CDH18: variants seen among roughly 807,000 people sequenced by gnomAD.
CDH18 encodes the protein cadherin 18, also known as cadherin-18.
In CDH18, 31 loss-of-function variants were observed where a neutral mutation model predicts 67.9. That is an observed-to-expected ratio of 0.46 (90% confidence interval 0.34 to 0.62). CDH18 has a LOEUF of 0.62. CDH18 is among the 20% of genes least tolerant of loss of function. The pLI, the probability that CDH18 is intolerant of heterozygous loss-of-function variation, is 0.01. For missense variants in CDH18, 890 were observed against 975.5 expected (o/e 0.91, Z 1.17); for synonymous variants, 362 against 347.2 (o/e 1.04, Z -0.48).
intron 2 of CDH18, among the ~76,000 whole-genome samples, chr5:19,907,228 G>A (rs1790637071): frequency 6.6e-6 from 1 of 151,800 alleles, no homozygotes; most frequent in South Asian, 2.1e-4. Context: ...ACCCGTGTCT[G>A]TAGATTGACA....
At chr5:20,256,973 T>TCTGTCTA (rs1744294096) in intron 1 of CDH18, among the ~76,000 whole-genome samples, 1 of 74,562 alleles carries the variant, frequency 1.3e-5, no homozygotes, top group African/African-American at 3.4e-5. Context: ...AATCTATCTA[T>TCTGTCTA]ATCTATATCT....
rs149457153 is a variant in CDH18 at position 20,502,242 on chromosome 5, T to C, written c.-580+73220A>G. On this transcript the variant is annotated intron_variant, in intron 1 of 14. Coordinates refer to the CDH18 transcript ENST00000507958. ...CTAGTTATGTTGTTCAATGGATTAC[T>C]TGTTTCTAAATCAATAAGATTGATG... is the stretch of plus-strand genomic sequence containing the variant. 6.2e-3 allele frequency among the ~76,000 whole-genome samples: 949 copies of C among 152,326 alleles called. 1 individual carries two copies. The highest frequency in any genetic ancestry group is 0.01 in the Middle Eastern group (3 of 294).
chr5:20,387,604 G>T (rs1744421338), intron 1 of CDH18, among the ~76,000 whole-genome samples: 1 of 151,888 alleles, frequency 6.6e-6, no homozygotes, highest in Non-Finnish European at 1.5e-5. Context: ...CCAACACTAT[G>T]TTGAATAGGA....
intron 3 of CDH18, among the ~76,000 whole-genome samples, chr5:19,835,922 G>A (rs905492131): frequency 9.9e-5 from 15 of 152,024 alleles, no homozygotes; most frequent in Non-Finnish European, 2.1e-4. Context: ...AACCTCCATC[G>A]CCTCCTGATA....
intron 1 of CDH18, among the ~76,000 whole-genome samples, chr5:20,522,392 TA>T (rs1296656313): frequency 6.6e-6 from 1 of 152,188 alleles, no homozygotes; most frequent in Non-Finnish European, 1.5e-5. Flanking sequence ...AGGTACTTCA[TA>T]AATATATGAT....
chr5:19,935,371 C>G (rs1462205490), intron 2 of CDH18, among the ~76,000 whole-genome samples: 2 of 151,340 alleles, frequency 1.3e-5, no homozygotes, highest in East Asian at 3.9e-4. Flanking sequence ...CGGTCACCAA[C>G]AGACCACTTA....
intron 5 of CDH18, among the ~76,000 whole-genome samples, chr5:19,701,895 T>G (rs1351025526): frequency 2.6e-5 from 4 of 152,086 alleles, no homozygotes; most frequent in Non-Finnish European, 5.9e-5. Flanking sequence ...TAACTAAAAT[T>G]TCTATACATC....
chr5:20,029,623 A>G (rs1408426537), intron 2 of CDH18, among the ~76,000 whole-genome samples: 1 of 152,240 alleles, frequency 6.6e-6, no homozygotes, highest in Non-Finnish European at 1.5e-5. Flanking sequence ...TTGGAAAATG[A>G]TTAATCGCTA....
intron 4 of CDH18, among the ~76,000 whole-genome samples, chr5:19,742,931 C>T (rs6888686): frequency 0.96 from 146,599 of 152,308 alleles, 70,792 homozygotes; most frequent in Middle Eastern, 1. Flanking sequence ...GAAACCAGTA[C>T]ATTTTTAAGT....
chr5:20,304,067 A>G, intron 1 of CDH18: 2 of 1,606,788 alleles, frequency 1.2e-6, no homozygotes, highest in Admixed American at 3.3e-5. Flanking sequence ...TTTCTCCAGT[A>G]AAATTTTGTG....
intron 2 of CDH18, among the ~76,000 whole-genome samples, chr5:20,107,191 C>T (rs1404322690): frequency 6.6e-6 from 1 of 152,074 alleles, no homozygotes; most frequent in African/African-American, 2.4e-5. Context: ...CGCCATTCTC[C>T]TGCCTCAGCC....
At chr5:19,964,652 AAAAAAAAAAG>A (rs1408226776) in intron 2 of CDH18, among the ~76,000 whole-genome samples, 9 of 150,910 alleles carry the variant, frequency 6.0e-5, no homozygotes, top group Non-Finnish European at 1.2e-4. Context: ...TGTATCAAAA[AAAAAAAAAAG>A]AAAAAAAAAG....
At chr5:19,776,514 AGAG>A (rs1166672647) in intron 3 of CDH18, among the ~76,000 whole-genome samples, 1 of 152,162 alleles carries the variant, frequency 6.6e-6, no homozygotes, top group East Asian at 1.9e-4. Flanking sequence ...AGGAAGTAAA[AGAG>A]GAGAAAATAA....
intron 5 of CDH18, among the ~76,000 whole-genome samples, chr5:19,680,852 G>C (rs1294754523): frequency 6.6e-6 from 1 of 151,846 alleles, no homozygotes. Context: ...AAAGCAATTT[G>C]GTGATTTTTC....
intron 2 of CDH18, among the ~76,000 whole-genome samples, chr5:19,875,216 C>T (rs929647334): frequency 2.6e-5 from 4 of 152,072 alleles, no homozygotes; most frequent in African/African-American, 9.7e-5. Flanking sequence ...AGTAATTAAG[C>T]GTTTGATATT....
At chr5:19,847,092 G>T (rs1783068423) in intron 2 of CDH18, among the ~76,000 whole-genome samples, 1 of 151,892 alleles carries the variant, frequency 6.6e-6, no homozygotes, top group Non-Finnish European at 1.5e-5. Flanking sequence ...TAGTTTGATT[G>T]TAATGTATCT....
intron 2 of CDH18, among the ~76,000 whole-genome samples, chr5:20,127,725 G>A (rs1748948258): frequency 6.6e-6 from 1 of 152,092 alleles, no homozygotes; most frequent in South Asian, 2.1e-4. Flanking sequence ...TGAGTATAAA[G>A]TTTCAATCAT....
chr5:19,670,610 A>G (rs937128446), intron 5 of CDH18, among the ~76,000 whole-genome samples: 1 of 152,130 alleles, frequency 6.6e-6, no homozygotes, highest in Non-Finnish European at 1.5e-5. Flanking sequence ...TATGAAGGCT[A>G]TGGCTGCGGG....
chr5:20,416,313 A>G (rs1302581286), intron 1 of CDH18, among the ~76,000 whole-genome samples: 1 of 152,162 alleles, frequency 6.6e-6, no homozygotes. Context: ...GCAGAAAAAC[A>G]GATCAGTCTG....
Sources: gnomAD v4.1 joint callset for allele counts (sites outside exome capture counted in the v4.1 genomes callset) on GRCh38, gnomAD v4.1.1 for gene constraint, MANE v1.5 for transcripts, NCBI Gene and HGNC (gene_info 2026-07-23, HGNC 2026-07-21) for gene names.